The following SMIM27 variants were observed in gnomAD, a reference collection of about 807,000 sequenced individuals.
SMIM27 encodes TOPORS antisense RNA 1 (non-protein coding).
SMIM27 carries 3 observed loss-of-function variants against 1.8 expected under a neutral mutation model. The ratio of observed to expected loss-of-function variants is 1.65; its 90% CI spans 0.75 to 4.28. SMIM27 has a LOEUF of 4.28. Among genes scored for constraint, SMIM27 ranks in the 30% most tolerant of loss-of-function variants. The pLI, the probability that SMIM27 is intolerant of heterozygous loss-of-function variation, is 0.02. For synonymous variants in SMIM27, 19 were observed against 13.9 expected (o/e 1.37, Z -0.82); for missense variants, 63 against 37.0 (o/e 1.70, Z -1.83).
intron 1 of SMIM27, among the ~76,000 whole-genome samples, chr9:32,564,528 CATT>C (rs1010549030): frequency 3.3e-5 from 5 of 151,296 alleles, no homozygotes; most frequent in African/African-American, 7.3e-5. Flanking sequence ...AAAAAAAGTA[CATT>C]ATAACATGTC....
chr9:32,566,169 C>A, intron 1 of SMIM27: 5 of 718,678 alleles, frequency 7.0e-6, no homozygotes, highest in South Asian at 6.2e-5. Context: ...TTCACACAGG[C>A]CACTTCCTCT....
chr9:32,557,177 T>C (rs1821484875), downstream of SMIM27, among the ~76,000 whole-genome samples: 1 of 136,222 alleles, frequency 7.3e-6, no homozygotes, highest in Non-Finnish European at 1.6e-5. Flanking sequence ...TTTTTTTTTT[T>C]TTCCCGAGAC....
exon 2 of SMIM27, chr9:32,566,667 C>T (rs1821800137): frequency 3.7e-6 from 3 of 812,204 alleles, no homozygotes; most frequent in East Asian, 2.4e-5. Flanking sequence ...CAGGTAACTC[C>T]GGATCCGGCT....
chr9:32,551,786 C>T (rs999658804), upstream of SMIM27: 1 of 453,310 alleles, frequency 2.2e-6, no homozygotes, highest in South Asian at 1.6e-5. Flanking sequence ...ACACTTGTTG[C>T]TTGACTGATA....
At chr9:32,562,903 A>G (rs1011577388) in intron 1 of SMIM27, among the ~76,000 whole-genome samples, 2 of 152,252 alleles carry the variant, frequency 1.3e-5, no homozygotes, top group Non-Finnish European at 2.9e-5. Context: ...TAATGCAATT[A>G]TGCCTATTAA....
chr9:32,557,164 T>C (rs1290758608), downstream of SMIM27, among the ~76,000 whole-genome samples: 16 of 28,428 alleles, frequency 5.6e-4, no homozygotes, highest in East Asian at 5.3e-3. Context: ...GGCCCCCACT[T>C]TTTTTTTTTT....
exon 2 of SMIM27, chr9:32,566,729 G>A (rs1821802321): frequency 1.0e-5 from 9 of 899,644 alleles, no homozygotes; most frequent in Non-Finnish European, 1.7e-5. Context: ...GGGACTCCAA[G>A]CCTTCAAACC....
chr9:32,561,330 CTT>C (rs58946235), intron 1 of SMIM27, among the ~76,000 whole-genome samples: 8 of 144,876 alleles, frequency 5.5e-5, no homozygotes, highest in Admixed American at 6.9e-5. Flanking sequence ...TCACTATTTT[CTT>C]TTTTTTTTTT....
rs1427829902 is a variant in SMIM27 at position 32,552,809 on chromosome 9, T to A, written c.54T>A (p.Leu18=). 8.6e-6 allele frequency: 6 copies of A among 701,624 alleles called. No homozygotes were observed. In the South Asian group the frequency reaches 8.9e-5, roughly 10 times the overall value. The allele number at this position is 701,624 out of a possible 1,614,324, so 43.5% of individuals were successfully genotyped here. Residue 18 remains leucine, a synonymous_variant, in exon 2 of 2, where the codon CTT becomes CTA. Transcript: ENST00000692500. ...TLDWIYSVLL[L]AIVLISWGCI... is the part of the protein sequence containing the mutation. ...TGCGATTTTTGGTTTAGTTGCTGCT[T>A]GCCATCGTTTTAATCTCCTGGGGCT...
In SMIM27 at chr9:32,552,918, T is replaced by G; in HGVS notation, c.163T>G (p.Leu55Val). ...PDKIFGTNEN[L>V] is the part of the protein sequence containing the mutation. ...CAAAATCTTTGGGACGAATGAAAAT[T>G]TGTAACTCTTCTGGATTTAATTATC... The change falls in exon 2 of 2, where the codon TTG becomes GTG. Residue 55 changes from leucine (L) to valine (V), a missense_variant. Leu to Val is a conservative substitution (Grantham distance 32, BLOSUM62 1). Transcript: ENST00000692500. 1.4e-6 allele frequency: 1 copy of G among 701,956 alleles called. No individual in the cohort carries two copies. The highest frequency in any genetic ancestry group is 2.6e-6 in the Non-Finnish European group (1 of 384,604). 43.5% of individuals were successfully genotyped at this position (701,956 alleles called of 1,614,324 possible). A position where few individuals can be genotyped will look rare whatever the true frequency, so the allele number is the denominator to read the frequency against.
exon 2 of SMIM27, chr9:32,566,759 G>C: frequency 1.1e-6 from 1 of 904,390 alleles, no homozygotes; most frequent in South Asian, 1.3e-5. Flanking sequence ...CCTCAGCCCG[G>C]GTGTCGGCTG....
At chr9:32,560,245 A>G (rs1333337907) in intron 1 of SMIM27, among the ~76,000 whole-genome samples, 4 of 152,244 alleles carry the variant, frequency 2.6e-5, no homozygotes, top group Non-Finnish European at 4.4e-5. Context: ...CTCTACTGAC[A>G]CAAAATGTTT....
intron 1 of SMIM27, among the ~76,000 whole-genome samples, chr9:32,562,687 A>G (rs1387944783): frequency 3.3e-5 from 5 of 152,322 alleles, no homozygotes; most frequent in Admixed American, 6.5e-5. Flanking sequence ...ATATTCTTAA[A>G]ATAATTACAA....
rs775334095 is a variant in SMIM27, at chr9:32,552,527, C to G, written c.45+48C>G. ...CCCCACCGTGTCGACTCACTGGGCC[C>G]GCAGGCGGAAAGGCCCTATTTCTTC... On this transcript the variant is annotated intron_variant, in intron 1 of 1. Coordinates refer to ENST00000692500, the MANE Select transcript of SMIM27 (RefSeq NM_001387564.1). The G allele has an allele frequency of 3.2e-6, 5 of 1,540,142 alleles. No individual in the cohort carries two copies. The South Asian group carries it at 5.9e-5, about 18-fold the overall frequency.
chr9:32,553,958 G>T (rs75102800), downstream of SMIM27: 267 of 1,529,332 alleles, frequency 1.7e-4, 2 homozygotes, highest in East Asian at 5.5e-3. Flanking sequence ...GGAAAACAAA[G>T]ATACAGTTAG....
At chr9:32,555,576 A>G (rs990121132), downstream of SMIM27, among the ~76,000 whole-genome samples, 1 of 152,240 alleles carries the variant, frequency 6.6e-6, no homozygotes, top group Admixed American at 6.5e-5. Context: ...TCTACCAAAT[A>G]TTTTTCTTTT....
At chr9:32,561,297 G>A (rs1821617552) in intron 1 of SMIM27, among the ~76,000 whole-genome samples, 1 of 151,618 alleles carries the variant, frequency 6.6e-6, no homozygotes, top group Admixed American at 6.6e-5. Flanking sequence ...AAACTGCCAT[G>A]GCAGCACACG....
At chr9:32,552,290 A>G (rs1467529028), upstream of SMIM27, 3 of 1,229,774 alleles carry the variant, frequency 2.4e-6, no homozygotes, top group Admixed American at 6.0e-5. Flanking sequence ...GGAAGAGGCC[A>G]GCGACAGCGC....
chr9:32,552,157 C>T (rs1821287278), upstream of SMIM27: 3 of 514,090 alleles, frequency 5.8e-6, no homozygotes, highest in Non-Finnish European at 1.0e-5. Context: ...TGGAGGTACG[C>T]CTATCTCCTT....
Sources: gnomAD v4.1 joint callset for allele counts (sites outside exome capture counted in the v4.1 genomes callset) on GRCh38, gnomAD v4.1.1 for gene constraint, MANE v1.5 for transcripts, NCBI Gene and HGNC (gene_info 2026-07-23, HGNC 2026-07-21) for gene names.